KYAT3: variants seen among roughly 807,000 people sequenced by gnomAD.
KYAT3 encodes the protein kynurenine--oxoglutarate transaminase 3.
Under a neutral mutation model 59.0 loss-of-function variants are expected in KYAT3, and 50 were observed. The ratio of observed to expected loss-of-function variants is 0.85; its 90% CI spans 0.68 to 1.07. The LOEUF (loss-of-function observed/expected upper bound fraction) is 1.07, where lower values mean the gene tolerates loss of function less well. Among genes scored for constraint, KYAT3 ranks in the 50% least tolerant of loss-of-function variants. The pLI is 0.00. For synonymous variants in KYAT3, 148 were observed against 177.0 expected, an observed-to-expected ratio of 0.84 and a Z score of 1.30; for missense variants, 497 against 533.3, an observed-to-expected ratio of 0.93 and a Z score of 0.67.
intron 2 of KYAT3, among the ~76,000 whole-genome samples, chr1:88,972,472 T>C (rs952216824): frequency 1.1e-4 from 16 of 152,194 alleles, no homozygotes; most frequent in African/African-American, 3.9e-4. Flanking sequence ...AAAACCTCAC[T>C]CACATTACAG....
intron 2 of KYAT3, among the ~76,000 whole-genome samples, chr1:88,974,041 CAAT>C (rs767647602): frequency 6.6e-6 from 1 of 152,004 alleles, no homozygotes; most frequent in Non-Finnish European, 1.5e-5. Flanking sequence ...ATATTAGTAA[CAAT>C]AATAATAACT....
rs1013320938 is a variant in KYAT3 at position 88,981,932 on chromosome 1, G to C, written c.99+6320C>G. The C allele has an allele frequency of 7.2e-6, 7 of 978,176 alleles. No homozygotes were observed. The African/African-American group carries it at 1.2e-4, about 17-fold the overall frequency. The allele number at this position is 978,176 out of a possible 1,614,324, so 60.6% of individuals were successfully genotyped here. A position where few individuals can be genotyped will look rare whatever the true frequency, so the allele number is the denominator to read the frequency against. ...ACATTAGAGTTGCAAAAATTTGAAA[G>C]AGTAAGAGCAAGCACCTTTGCAGCT... On this transcript the variant is annotated intron_variant, in intron 2 of 13. Transcript: ENST00000260508.
chr1:88,936,082 C>G lies in KYAT3; in HGVS notation c.*101G>C, dbSNP rs1675025700. ...AAAAACAATGGAAATATTTAAATTC[C>G]AGTTGTACTGAAATACCTTTTAACA... is the stretch of plus-strand genomic sequence containing the variant. On this transcript the variant is annotated 3_prime_UTR_variant, in exon 14 of 14. Coordinates refer to ENST00000260508, the MANE Select transcript of KYAT3 (RefSeq NM_001008661.3). 2 of 753,504 alleles carry G rather than the reference C, an allele frequency of 2.7e-6. No homozygotes were observed. Among genetic ancestry groups the G allele is most frequent in the Non-Finnish European group, 4.4e-6 (2 of 458,348 alleles). 46.7% of individuals were successfully genotyped at this position (753,504 alleles called of 1,614,324 possible).
At chr1:88,973,828 C>T (rs139799481) in intron 2 of KYAT3, among the ~76,000 whole-genome samples, 1 of 152,156 alleles carries the variant, frequency 6.6e-6, no homozygotes, top group African/African-American at 2.4e-5. Flanking sequence ...ATCTTAAGAC[C>T]CTAGTCCATC....
At chr1:88,929,044 T>C in the KYAT3 span, among the ~76,000 whole-genome samples, 2 of 152,054 alleles carry the variant, frequency 1.3e-5, no homozygotes, top group Non-Finnish European at 2.9e-5. Flanking sequence ...TCCTGAAGTC[T>C]GGGCAAGAGA....
At chr1:88,948,723 T>G (rs1286500395) in intron 11 of KYAT3, among the ~76,000 whole-genome samples, 2 of 152,346 alleles carry the variant, frequency 1.3e-5, no homozygotes, top group South Asian at 4.1e-4. Flanking sequence ...GATATTTTTC[T>G]AATGAAATAG....
intron 3 of KYAT3, 52 bp from the exon 4 acceptor site, chr1:88,968,866 G>A (rs974768686): frequency 2.9e-5 from 40 of 1,361,706 alleles, no homozygotes; most frequent in Middle Eastern, 2.0e-4. Flanking sequence ...TATAAAGTTC[G>A]CTTTTTTATA....
At chr1:88,982,915 A>T (rs750973601) in intron 2 of KYAT3, 3 of 1,614,002 alleles carry the variant, frequency 1.9e-6, no homozygotes, top group Non-Finnish European at 2.5e-6. Context: ...TGCTTCCACC[A>T]TAAGATGGCG....
intron 8 of KYAT3, among the ~76,000 whole-genome samples, chr1:88,959,034 T>C (rs749587395): frequency 5.9e-5 from 9 of 152,122 alleles, no homozygotes; most frequent in Non-Finnish European, 1.2e-4. Context: ...TCACAGCCCT[T>C]TGGGAGGCCA....
At chr1:88,921,162 T>G in the KYAT3 span, among the ~76,000 whole-genome samples, 1 of 152,196 alleles carries the variant, frequency 6.6e-6, no homozygotes, top group East Asian at 1.9e-4. Flanking sequence ...ATCCTTATTA[T>G]ATAGACATTC....
chr1:88,983,440 C>T (rs1371020626), intron 2 of KYAT3: 1 of 1,614,168 alleles, frequency 6.2e-7, no homozygotes, highest in African/African-American at 1.3e-5. Context: ...CACCATCATC[C>T]ATGTGTCCTC....
the KYAT3 span, among the ~76,000 whole-genome samples, chr1:88,927,220 C>T: frequency 1.3e-5 from 2 of 151,994 alleles, no homozygotes; most frequent in Non-Finnish European, 2.9e-5. Flanking sequence ...GAAACATTCC[C>T]CCCAAGGCAA....
chr1:88,968,911 C>A, intron 3 of KYAT3, 97 bp from the exon 4 acceptor site: 1 of 924,228 alleles, frequency 1.1e-6, no homozygotes, highest in Non-Finnish European at 1.6e-6. Flanking sequence ...ACAAATAAGA[C>A]CCTAGTTTAG....
chr1:88,931,065 C>T (rs1340907012), downstream of KYAT3, among the ~76,000 whole-genome samples: 1 of 152,146 alleles, frequency 6.6e-6, no homozygotes, highest in Admixed American at 6.5e-5. Flanking sequence ...GGATGGCTAG[C>T]CACCAAGAAG....
chr1:88,973,087 T>C (rs539959082), intron 2 of KYAT3, among the ~76,000 whole-genome samples: 1 of 152,318 alleles, frequency 6.6e-6, no homozygotes, highest in Non-Finnish European at 1.5e-5. Flanking sequence ...TCTGGACATA[T>C]ACATAGACCC....
chr1:88,952,265 T>C lies in KYAT3; in HGVS notation c.954+798A>G, dbSNP rs567991339. On this transcript the variant is annotated intron_variant, in intron 10 of 13. Transcript: ENST00000260508. ...GTAGATGATAATGGATTCTCCTCAA[T>C]CATCTGCAATGAATAGCCAGGTAAG... Among the ~76,000 whole-genome samples the C allele has an allele frequency of 2.0e-5, 3 of 152,336 alleles. No individual in the cohort carries two copies. The East Asian group carries it at 5.8e-4, about 29-fold the overall frequency.
chr1:88,933,944 G>A (rs1401311404), downstream of KYAT3, among the ~76,000 whole-genome samples: 1 of 152,144 alleles, frequency 6.6e-6, no homozygotes, highest in East Asian at 1.9e-4. Context: ...GTCAAAGGAT[G>A]AATGACCATT....
downstream of KYAT3, among the ~76,000 whole-genome samples, chr1:88,934,257 C>A (rs143603756): frequency 0.032 from 4,792 of 152,082 alleles, 222 homozygotes; most frequent in African/African-American, 0.11. Flanking sequence ...GAGTTTGAGA[C>A]CAGGCTGGCC....
intron 13 of KYAT3, among the ~76,000 whole-genome samples, chr1:88,941,093 G>A (rs374857681): frequency 6.6e-6 from 1 of 152,116 alleles, no homozygotes; most frequent in Non-Finnish European, 1.5e-5. Context: ...GAAGTCCTAC[G>A]TTACTTCTTT....
Sources: gnomAD v4.1 joint callset for allele counts (sites outside exome capture counted in the v4.1 genomes callset) on GRCh38, gnomAD v4.1.1 for gene constraint, MANE v1.5 for transcripts, NCBI Gene and HGNC (gene_info 2026-07-23, HGNC 2026-07-21) for gene names.